The following DPYD variants were observed in gnomAD, a reference collection of about 807,000 sequenced individuals.
The protein encoded by DPYD is dihydropyrimidine dehydrogenase, also known as dihydropyrimidine dehydrogenase [NADP(+)].
In DPYD, 109 loss-of-function variants were observed where a neutral mutation model predicts 116.2. The ratio of observed to expected loss-of-function variants is 0.94; its 90% CI spans 0.80 to 1.10. The LOEUF (loss-of-function observed/expected upper bound fraction) is 1.10, where lower values mean the gene tolerates loss of function less well. Ranked by LOEUF, DPYD falls within the 50% of genes least tolerant of loss-of-function variation. DPYD has a pLI of 0.00. For synonymous variants in DPYD, 440 were observed against 432.0 expected (o/e 1.02, Z -0.23); for missense variants, 1,302 against 1,254.5 (o/e 1.04, Z -0.57).
At chr1:97,161,442 C>G (rs569452162) in intron 20 of DPYD, among the ~76,000 whole-genome samples, 1 of 152,238 alleles carries the variant, frequency 6.6e-6, no homozygotes, top group East Asian at 1.9e-4. Flanking sequence ...CTAAAAGCAT[C>G]AGCAATCATA....
At chr1:97,706,843 C>T (rs975150474) in intron 5 of DPYD, among the ~76,000 whole-genome samples, 8 of 152,014 alleles carry the variant, frequency 5.3e-5, no homozygotes, top group Non-Finnish European at 8.8e-5. Flanking sequence ...TGCATGTTAA[C>T]GTAAGTTTTC....
chr1:97,358,130 T>C (rs1246505874), intron 16 of DPYD, among the ~76,000 whole-genome samples: 3 of 152,166 alleles, frequency 2.0e-5, no homozygotes, highest in African/African-American at 7.2e-5. Context: ...TCTTAGCAAA[T>C]GGCACACCAG....
At chr1:97,766,630 A>G (rs1198885912) in intron 3 of DPYD, among the ~76,000 whole-genome samples, 1 of 152,194 alleles carries the variant, frequency 6.6e-6, no homozygotes, top group Non-Finnish European at 1.5e-5. Flanking sequence ...GGAAAGGGGA[A>G]GGGTGCTTCT....
chr1:97,251,313 A>C (rs1218708343), intron 18 of DPYD, among the ~76,000 whole-genome samples: 3 of 149,086 alleles, frequency 2.0e-5, no homozygotes, highest in African/African-American at 7.5e-5. Context: ...AATCGCTTGA[A>C]TCTGGGAGGC....
intron 19 of DPYD, among the ~76,000 whole-genome samples, chr1:97,233,232 C>T (rs916111371): frequency 7.9e-5 from 12 of 152,094 alleles, no homozygotes; most frequent in Admixed American, 3.9e-4. Context: ...GATGCAGGCA[C>T]GCCTTGTTGC....
intron 20 of DPYD, among the ~76,000 whole-genome samples, chr1:97,160,877 A>G (rs1309631019): frequency 6.6e-6 from 1 of 152,162 alleles, no homozygotes; most frequent in African/African-American, 2.4e-5. Flanking sequence ...AGGCCTGGTC[A>G]CTATTTATTC....
chr1:97,291,197 G>C (rs1183867783), intron 18 of DPYD, among the ~76,000 whole-genome samples: 2 of 152,048 alleles, frequency 1.3e-5, no homozygotes, highest in Non-Finnish European at 2.9e-5. Context: ...ACAGGTGCTG[G>C]AGAGGATGTG....
At chr1:97,909,586 G>A (rs1673822213) in intron 1 of DPYD, among the ~76,000 whole-genome samples, 1 of 142,108 alleles carries the variant, frequency 7.0e-6, no homozygotes, top group Admixed American at 7.4e-5. Context: ...CTTTTTCAAT[G>A]TTACTAAGTT....
chr1:97,266,529 C>A (rs763824988), intron 18 of DPYD, among the ~76,000 whole-genome samples: 2 of 151,994 alleles, frequency 1.3e-5, no homozygotes, highest in East Asian at 3.9e-4. Context: ...ATATTCATTT[C>A]TTTTTTTATT....
chr1:97,154,822 A>T (rs768329786), intron 20 of DPYD, among the ~76,000 whole-genome samples: 25 of 152,130 alleles, frequency 1.6e-4, no homozygotes, highest in Non-Finnish European at 3.1e-4. Flanking sequence ...TGCTTGGGTG[A>T]TGGACACACC....
At chr1:97,266,541 T>C (rs1664238527) in intron 18 of DPYD, among the ~76,000 whole-genome samples, 1 of 152,194 alleles carries the variant, frequency 6.6e-6, no homozygotes, top group Non-Finnish European at 1.5e-5. Flanking sequence ...TTTTTTATTA[T>C]TATTATACGT....
intron 14 of DPYD, among the ~76,000 whole-genome samples, chr1:97,403,305 T>A (rs991038784): frequency 6.6e-6 from 1 of 152,088 alleles, no homozygotes; most frequent in Non-Finnish European, 1.5e-5. Flanking sequence ...AGTGAATGTA[T>A]GTTGCTTTTG....
In DPYD at chr1:97,353,627, G is replaced by GTT. The variant is rs35564684; in HGVS notation, c.2058+19932_2058+19933dup. On this transcript the variant is annotated intron_variant, in intron 16 of 22. Coordinates refer to ENST00000370192, the MANE Select transcript of DPYD (RefSeq NM_000110.4). ...ATTAATAACTGGAAAACTGCATTCT[G>GTT]TTTTTTTTTTTTTTTTCTATGCTAC... 3.5e-3 allele frequency among the ~76,000 whole-genome samples: 466 copies of GTT among 133,286 alleles called. 3 individuals carry two copies. Among genetic ancestry groups the GTT allele is most frequent in the African/African-American group, 0.011 (404 of 36,688 alleles). 87.4% of individuals were successfully genotyped at this position (133,286 alleles called of 152,430 possible). A position where few individuals can be genotyped will look rare whatever the true frequency, so the allele number is the denominator to read the frequency against.
At chr1:97,377,635 A>G (rs1570622764) in intron 15 of DPYD, among the ~76,000 whole-genome samples, 1 of 152,348 alleles carries the variant, frequency 6.6e-6, no homozygotes, top group East Asian at 1.9e-4. Context: ...CAAAACCACA[A>G]ACTCTTGTGC....
At chr1:97,750,994 C>A (rs1472912464) in intron 3 of DPYD, among the ~76,000 whole-genome samples, 1 of 152,004 alleles carries the variant, frequency 6.6e-6, no homozygotes. Flanking sequence ...AGTGACAATG[C>A]AAGTGCTGGA....
intron 3 of DPYD, among the ~76,000 whole-genome samples, chr1:97,809,148 A>C (rs1348511202): frequency 2.0e-5 from 3 of 152,186 alleles, no homozygotes; most frequent in Admixed American, 6.5e-5. Flanking sequence ...ATATGATTTG[A>C]CCAAATTAAA....
chr1:97,132,791 A>G (rs1570518126), intron 20 of DPYD, among the ~76,000 whole-genome samples: 2 of 152,126 alleles, frequency 1.3e-5, no homozygotes, highest in East Asian at 3.9e-4. Flanking sequence ...CTATTTCATT[A>G]GTAAGCAATG....
chr1:97,676,176 A>G (rs1425642344), intron 8 of DPYD, among the ~76,000 whole-genome samples: 3 of 152,096 alleles, frequency 2.0e-5, no homozygotes, highest in African/African-American at 7.2e-5. Context: ...CACACCTGTA[A>G]CAGAGACTTT....
At chr1:97,262,937 T>G (rs1276582613) in intron 18 of DPYD, among the ~76,000 whole-genome samples, 6 of 152,080 alleles carry the variant, frequency 3.9e-5, no homozygotes, top group Non-Finnish European at 8.8e-5. Context: ...CTAATTCAAG[T>G]ATAAAGTATC....
Sources: gnomAD v4.1 joint callset for allele counts (sites outside exome capture counted in the v4.1 genomes callset) on GRCh38, gnomAD v4.1.1 for gene constraint, MANE v1.5 for transcripts, NCBI Gene and HGNC (gene_info 2026-07-23, HGNC 2026-07-21) for gene names.